NCOA1: variants seen among roughly 807,000 people sequenced by gnomAD.
NCOA1 encodes nuclear receptor coactivator 1.
NCOA1 carries 35 observed loss-of-function variants against 150.9 expected under a neutral mutation model. That is an observed-to-expected ratio of 0.23 (90% CI 0.18 to 0.31). The LOEUF is 0.31. NCOA1 is among the 10% of genes least tolerant of loss of function. NCOA1 has a pLI of 1.00. For missense variants in NCOA1, 1,491 were observed against 1,749.3 expected (o/e 0.85, Z 2.63); for synonymous variants, 590 against 630.0 (o/e 0.94, Z 0.95).
At chr2:24,682,841 G>GAC in intron 7 of NCOA1, 110 bp from the exon 8 acceptor site, 1 of 862,674 alleles carries the variant, frequency 1.2e-6, no homozygotes, top group South Asian at 2.0e-5. Context: ...TGAGGACAGA[G>GAC]ACCAGGTCTT....
At chr2:24,609,534 T>A (rs555967920) in intron 3 of NCOA1, among the ~76,000 whole-genome samples, 29 of 152,162 alleles carry the variant, frequency 1.9e-4, no homozygotes, top group Non-Finnish European at 3.1e-4. Flanking sequence ...AGGAGGATTG[T>A]TGGAGCCCAG....
intron 3 of NCOA1, among the ~76,000 whole-genome samples, chr2:24,600,082 C>A (rs1444076228): frequency 6.6e-6 from 1 of 152,150 alleles, no homozygotes; most frequent in East Asian, 1.9e-4. Flanking sequence ...AGCCCTGTAG[C>A]TTCACTTTTA....
intron 3 of NCOA1, among the ~76,000 whole-genome samples, chr2:24,593,480 A>G (rs1558821600): frequency 6.6e-6 from 1 of 152,132 alleles, no homozygotes; most frequent in Admixed American, 6.6e-5. Context: ...GGAAACTCCA[A>G]ATGTAAACAT....
At chr2:24,605,702 T>A (rs1668333084) in intron 3 of NCOA1, among the ~76,000 whole-genome samples, 1 of 152,200 alleles carries the variant, frequency 6.6e-6, no homozygotes, top group Non-Finnish European at 1.5e-5. Flanking sequence ...TTTCCTCTTC[T>A]TCCTGGGCAC....
intron 14 of NCOA1, among the ~76,000 whole-genome samples, chr2:24,725,068 TG>T (rs1390530563): frequency 6.6e-6 from 1 of 152,174 alleles, no homozygotes; most frequent in Non-Finnish European, 1.5e-5. Context: ...TACTAAATAT[TG>T]AATATATTCA....
At chr2:24,497,342 C>T (rs945521948) in intron 1 of NCOA1, among the ~76,000 whole-genome samples, 20 of 151,850 alleles carry the variant, frequency 1.3e-4, no homozygotes, top group African/African-American at 4.1e-4. Context: ...TCTGATGACC[C>T]GGGAGCCATA....
At chr2:24,609,030 A>G (rs960769550) in intron 3 of NCOA1, among the ~76,000 whole-genome samples, 2 of 152,168 alleles carry the variant, frequency 1.3e-5, no homozygotes, top group Non-Finnish European at 2.9e-5. Flanking sequence ...ACTTGGTAAA[A>G]TAGTGATTGC....
At chr2:24,643,147 T>C (rs1670306634) in intron 3 of NCOA1, among the ~76,000 whole-genome samples, 1 of 152,246 alleles carries the variant, frequency 6.6e-6, no homozygotes, top group African/African-American at 2.4e-5. Context: ...GTAAGGTCTG[T>C]AATCTAGTCT....
chr2:24,569,189 A>G (rs1244232006), intron 2 of NCOA1, among the ~76,000 whole-genome samples: 1 of 152,208 alleles, frequency 6.6e-6, no homozygotes, highest in Non-Finnish European at 1.5e-5. Flanking sequence ...AGTTTTGGCC[A>G]CTAGAGCCAC....
At chr2:24,709,212 T>A (rs945262163) in intron 13 of NCOA1, among the ~76,000 whole-genome samples, 4 of 152,206 alleles carry the variant, frequency 2.6e-5, no homozygotes, top group Non-Finnish European at 4.4e-5. Context: ...CTGGTGCATC[T>A]GTTTTGTGCA....
chr2:24,693,303 C>T lies in NCOA1; in HGVS notation c.764C>T (p.Ala255Val). ...CIARRLPRPP[A>V]ITGVESFMTK... ...GCACGGCGATTACCTCGGCCTCCAG[C>T]TATTACGGGTGTAGAATCCTTTATG... Residue 255 changes from alanine to valine, a missense_variant, in exon 10 of 23, where the codon GCT (alanine) becomes GTT (valine). This residue lies in a region of NCOA1 where 99 missense variants were observed against 122.8 expected (regional missense o/e 0.81). Transcript: ENST00000348332. 1 of 1,614,184 alleles carries T rather than the reference C, an allele frequency of 6.2e-7. No individual in the cohort carries two copies.
chr2:24,507,227 A>G (rs1038417724), intron 1 of NCOA1, among the ~76,000 whole-genome samples: 2 of 152,202 alleles, frequency 1.3e-5, no homozygotes, highest in Non-Finnish European at 2.9e-5. Context: ...CTCTGGAGCC[A>G]GATTTCCTAA....
At chr2:24,748,952 T>C (rs531102408) in intron 19 of NCOA1, among the ~76,000 whole-genome samples, 69 of 152,350 alleles carry the variant, frequency 4.5e-4, no homozygotes, top group African/African-American at 1.7e-3. Flanking sequence ...GCAATCATAC[T>C]ATGGCATCCT....
intron 3 of NCOA1, among the ~76,000 whole-genome samples, chr2:24,641,845 T>C (rs965780178): frequency 1.3e-5 from 2 of 152,110 alleles, no homozygotes; most frequent in Admixed American, 6.5e-5. Flanking sequence ...TTTCTCTATA[T>C]TTATTCTGAG....
chr2:24,663,180 T>C (rs1222385225), intron 5 of NCOA1, among the ~76,000 whole-genome samples: 1 of 152,182 alleles, frequency 6.6e-6, no homozygotes, highest in African/African-American at 2.4e-5. Context: ...CTTGCCCTTT[T>C]GTTTCTTATC....
chr2:24,646,082 C>CT (rs1670459844), intron 4 of NCOA1, among the ~76,000 whole-genome samples: 1 of 152,042 alleles, frequency 6.6e-6, no homozygotes, highest in Admixed American at 6.6e-5. Flanking sequence ...GTGAGTGACT[C>CT]TAAGAAAGTC....
intron 3 of NCOA1, among the ~76,000 whole-genome samples, chr2:24,618,243 T>A (rs954422433): frequency 6.6e-6 from 1 of 152,222 alleles, no homozygotes; most frequent in Non-Finnish European, 1.5e-5. Context: ...TCTTCTTCAC[T>A]CCAACTATTG....
chr2:24,729,438 C>A (rs1213038711), intron 16 of NCOA1, 63 bp from the exon 17 acceptor site: 1 of 1,425,066 alleles, frequency 7.0e-7, no homozygotes, highest in South Asian at 1.3e-5. Flanking sequence ...TCTAGAAATA[C>A]GGAAGCATGT....
chr2:24,707,310 C>T lies in NCOA1; in HGVS notation c.1840C>T (p.His614Tyr). 1 of 1,614,216 alleles carries T rather than the reference C, an allele frequency of 6.2e-7. No homozygotes were observed. Among genetic ancestry groups the T allele is most frequent in the Non-Finnish European group, 8.5e-7 (1 of 1,180,040 alleles). ...DGKPLDSGLL[H>Y]NNDRLSDGDS... Reference sequence around the variant, plus strand: ...CAAACCTCTGGATTCAGGGCTTCTGCATAACAATGACAGACTTTCAGATGG... The same window carrying T: ...CAAACCTCTGGATTCAGGGCTTCTGTATAACAATGACAGACTTTCAGATGG... Residue 614 changes from histidine to tyrosine, a missense_variant, in exon 13 of 23, where the codon CAT (histidine) becomes TAT (tyrosine). Transcript: ENST00000348332.
Sources: gnomAD v4.1 joint callset for allele counts (sites outside exome capture counted in the v4.1 genomes callset) on GRCh38, gnomAD v4.1.1 for gene constraint, gnomAD v4.1.1 regional missense constraint, MANE v1.5 for transcripts, NCBI Gene and HGNC (gene_info 2026-07-23, HGNC 2026-07-21) for gene names.